The following PDGFD variants were observed in gnomAD, a reference collection of about 807,000 sequenced individuals.
The protein encoded by PDGFD is platelet-derived growth factor D.
Under a neutral mutation model 44.7 loss-of-function variants are expected in PDGFD, and 30 were observed. The ratio of observed to expected loss-of-function variants is 0.67; its 90% CI spans 0.50 to 0.91. PDGFD has a LOEUF of 0.91. Ranked by LOEUF, PDGFD falls within the 40% of genes least tolerant of loss-of-function variation. The probability of loss-of-function intolerance (pLI) is 0.00; values close to 1 mark genes in which losing one functional copy is unlikely to be tolerated. For synonymous variants in PDGFD, 173 were observed against 168.4 expected, an observed-to-expected ratio of 1.03 and a Z score of -0.21; for missense variants, 445 against 457.8, an observed-to-expected ratio of 0.97 and a Z score of 0.25.
In PDGFD at chr11:104,164,115, G is replaced by C; in HGVS notation, c.-188C>G. On this transcript the variant is annotated 5_prime_UTR_variant, in exon 1 of 7. Transcript: ENST00000393158. ...AACTTTCCGAGCGCGTGTGGGTGCC[G>C]CACTTCCTTGTGGTGCTGAGCTGAT... The C allele has an allele frequency of 1.2e-5, 6 of 498,026 alleles. No individual in the cohort carries two copies. Among genetic ancestry groups the C allele is most frequent in the Non-Finnish European group, 2.1e-5 (6 of 287,560 alleles). 30.9% of individuals were successfully genotyped at this position (498,026 alleles called of 1,614,324 possible).
rs1337014009 is a variant in PDGFD at position 103,907,916 on chromosome 11, C to G, written c.*1778G>C. The G allele has an allele frequency of 2.0e-5, 3 of 152,166 alleles. No homozygotes were observed. The highest frequency in any genetic ancestry group is 7.2e-5 in the African/African-American group (3 of 41,454). 9.4% of individuals were successfully genotyped at this position (152,166 alleles called of 1,614,324 possible). ...CCCTCTTGAGTAAAAACATCAGACA[C>G]TTTTAGGAAAGTTTTAGAAGGTACA... is the stretch of plus-strand genomic sequence containing the variant. On this transcript the variant is annotated 3_prime_UTR_variant, in exon 7 of 7. Coordinates refer to ENST00000393158, the MANE Select transcript of PDGFD (RefSeq NM_025208.5).
intron 1 of PDGFD, among the ~76,000 whole-genome samples, chr11:104,025,810 C>T (rs1162418355): frequency 2.0e-5 from 3 of 152,220 alleles, no homozygotes; most frequent in South Asian, 4.1e-4. Flanking sequence ...AACCACAGTG[C>T]TGTTTGCTCA....
intron 6 of PDGFD, among the ~76,000 whole-genome samples, chr11:103,917,343 C>A (rs1427351260): frequency 9.9e-5 from 15 of 152,190 alleles, no homozygotes; most frequent in African/African-American, 3.4e-4. Context: ...TAGAAGCCAA[C>A]CCTTCTTCCC....
chr11:104,061,353 G>C (rs888250864), intron 1 of PDGFD, among the ~76,000 whole-genome samples: 46 of 152,070 alleles, frequency 3.0e-4, no homozygotes, highest in Non-Finnish European at 7.3e-5. Flanking sequence ...GAAAAAGCTA[G>C]TCACAGAGTA....
intron 3 of PDGFD, among the ~76,000 whole-genome samples, chr11:103,963,136 C>T (rs369759700): frequency 6.6e-6 from 1 of 152,124 alleles, no homozygotes; most frequent in Non-Finnish European, 1.5e-5. Context: ...TAGAAAAGTG[C>T]CTGTCACATA....
chr11:104,025,700 G>A (rs549683133), intron 1 of PDGFD, among the ~76,000 whole-genome samples: 2 of 152,296 alleles, frequency 1.3e-5, no homozygotes, highest in South Asian at 4.2e-4. Context: ...AAGGGCACTG[G>A]AAAGCGGAAG....
intron 1 of PDGFD, among the ~76,000 whole-genome samples, chr11:104,160,954 T>C (rs1315630667): frequency 6.6e-6 from 1 of 152,154 alleles, no homozygotes; most frequent in African/African-American, 2.4e-5. Context: ...TTAGGCATAG[T>C]ATATCAAGAA....
At position 104,100,506 on chromosome 11, in the gene PDGFD, T is replaced by A. The variant is rs191335557; in HGVS notation, c.124+63298A>T. On this transcript the variant is annotated intron_variant, in intron 1 of 6. Transcript: ENST00000393158. Reference sequence around the variant, plus strand: ...CAACCAAAAAAAGTCCAGGACCAGATGGATTCACAGCTGAATTCTACCAGA... The same window carrying A: ...CAACCAAAAAAAGTCCAGGACCAGAAGGATTCACAGCTGAATTCTACCAGA... 6.6e-5 allele frequency among the ~76,000 whole-genome samples: 10 copies of A among 152,064 alleles called. No homozygotes were observed. The South Asian group carries it at 1.0e-3, about 16-fold the overall frequency.
chr11:103,943,540 A>C lies in PDGFD; in HGVS notation c.684T>G (p.Asn228Lys), dbSNP rs770122522. 4 of 1,613,398 alleles carry C rather than the reference A, an allele frequency of 2.5e-6. No individual in the cohort carries two copies. The East Asian group carries it at 8.9e-5, about 36-fold the overall frequency. Residue 228 changes from asparagine (N) to lysine (K), a missense_variant, in exon 5 of 7, where the codon AAT (asparagine) becomes AAG (lysine). Physicochemically the swap from Asn to Lys is moderately conservative, Grantham distance 94. Transcript: ENST00000393158. Reference protein sequence around the residue: ...DTVEDLLKYFNPESWQEDLEN... With the variant: ...DTVEDLLKYFKPESWQEDLEN... The stretch of plus-strand genomic sequence containing the variant: ...CAAGATCTTCTTGCCATGACTCTGG[A>C]TTGAAGTACTTGAGCAGATCTTCCA...
intron 1 of PDGFD, among the ~76,000 whole-genome samples, chr11:104,134,196 A>G (rs1190449788): frequency 1.7e-5 from 2 of 118,372 alleles, no homozygotes; most frequent in Non-Finnish European, 3.6e-5. Context: ...ATATAAATGT[A>G]TACTCACACA....
chr11:104,081,720 G>T (rs999282811), intron 1 of PDGFD, among the ~76,000 whole-genome samples: 1 of 152,060 alleles, frequency 6.6e-6, no homozygotes. Context: ...CATTTTTCCA[G>T]GTCATTGCCT....
intron 1 of PDGFD, among the ~76,000 whole-genome samples, chr11:104,064,232 T>C (rs1860754429): frequency 6.6e-6 from 1 of 152,248 alleles, no homozygotes; most frequent in African/African-American, 2.4e-5. Context: ...CACCTAAAAC[T>C]GACTGTGTTG....
rs115045756 is a variant in PDGFD, at chr11:103,970,023, T to A, written c.511-22299A>T. The stretch of plus-strand genomic sequence containing the variant: ...ATGTCTGTGCTAATTATACACACTA[T>A]ACATTTAAGAGAGGGGTTAAATTAT... On this transcript the variant is annotated intron_variant, in intron 3 of 6. Coordinates refer to ENST00000393158, the MANE Select transcript of PDGFD (RefSeq NM_025208.5). Among the ~76,000 whole-genome samples, 470 of 152,188 alleles carry A rather than the reference T, an allele frequency of 3.1e-3. 1 individual carries two copies. Among genetic ancestry groups the A allele is most frequent in the African/African-American group, 0.01 (431 of 41,554 alleles).
chr11:104,038,505 G>A (rs1860291820), intron 1 of PDGFD: 1 of 174,326 alleles, frequency 5.7e-6, no homozygotes, highest in Non-Finnish European at 1.4e-5. Context: ...GAAATGGTAG[G>A]TCAGTTACAC....
At position 103,909,705 on chromosome 11, in the gene PDGFD, G is replaced by T. The variant is rs1046675528; in HGVS notation, c.1102C>A (p.Pro368Thr). 9.3e-6 allele frequency: 15 copies of T among 1,613,930 alleles called. No homozygotes were observed. Among genetic ancestry groups the T allele is most frequent in the Middle Eastern group, 1.6e-4 (1 of 6,082 alleles). Residue 368 changes from proline (P) to threonine (T), a missense_variant, in exon 7 of 7, where the codon CCA becomes ACA. By Grantham distance (38) the Pro-to-Thr change is conservative. Transcript: ENST00000393158. ...ATGTGCACATTCTCTTATCGAGGTG[G>T]TCTTGAGCTGCAGATACAATCACAT... Reference protein sequence around the residue: ...ERCDCICSSRPPR With the variant: ...ERCDCICSSRTPR
rs753087101 is a variant in PDGFD, at chr11:104,047,127, G to A, written c.125-46872C>T. On this transcript the variant is annotated intron_variant, in intron 1 of 6. Transcript: ENST00000393158. ...GGTATATGTTTGCCACATTTTCTTC[G>A]TCCAGTCTATCATTGATGGGCATTT... Among the ~76,000 whole-genome samples the A allele has an allele frequency of 4.1e-5, 6 of 146,900 alleles. No homozygotes were observed. In the East Asian group the frequency reaches 5.9e-4, roughly 14 times the overall value.
chr11:103,934,424 A>C (rs1442301897), intron 5 of PDGFD, among the ~76,000 whole-genome samples: 2 of 152,246 alleles, frequency 1.3e-5, no homozygotes, highest in African/African-American at 2.4e-5. Flanking sequence ...AAATACAAAA[A>C]GCCAATGATC....
intron 1 of PDGFD, among the ~76,000 whole-genome samples, chr11:104,092,147 A>T (rs556072430): frequency 6.6e-6 from 1 of 152,160 alleles, no homozygotes. Flanking sequence ...TAGCTAGTGT[A>T]TATCAGTGCC....
intron 1 of PDGFD, among the ~76,000 whole-genome samples, chr11:104,013,130 C>T (rs969009820): frequency 5.9e-5 from 9 of 152,196 alleles, no homozygotes; most frequent in Non-Finnish European, 1.2e-4. Flanking sequence ...GTTGAAGTGT[C>T]TGAATGTGGA....
Sources: gnomAD v4.1 joint callset for allele counts (sites outside exome capture counted in the v4.1 genomes callset) on GRCh38, gnomAD v4.1.1 for gene constraint, MANE v1.5 for transcripts, NCBI Gene and HGNC (gene_info 2026-07-23, HGNC 2026-07-21) for gene names.